The following FBXO21 variants were observed in gnomAD, a reference collection of about 807,000 sequenced individuals.
The protein encoded by FBXO21 is F-box only protein 21.
In FBXO21, 32 loss-of-function variants were observed where a neutral mutation model predicts 76.6. The ratio of observed to expected loss-of-function variants is 0.42; its 90% confidence interval spans 0.32 to 0.56. The LOEUF (loss-of-function observed/expected upper bound fraction) is 0.56, where lower values mean the gene tolerates loss of function less well. FBXO21 is among the 20% of genes least tolerant of loss of function. The pLI, the probability that FBXO21 is intolerant of heterozygous loss-of-function variation, is 0.16. For missense variants in FBXO21, 586 were observed against 797.3 expected (o/e 0.73, Z 3.19); for synonymous variants, 328 against 311.5 (o/e 1.05, Z -0.56).
intron 11 of FBXO21, among the ~76,000 whole-genome samples, chr12:117,148,907 T>C (rs956531889): frequency 4.6e-5 from 7 of 152,212 alleles, no homozygotes; most frequent in Admixed American, 3.9e-4. Context: ...CTGATCTCTC[T>C]ACTGTTGTCA....
Position 117,155,429 on chromosome 12 carries a change from A to C in FBXO21, c.1675+362T>G, listed in dbSNP as rs553362519. On this transcript the variant is annotated intron_variant, in intron 11 of 11. Transcript: ENST00000622495. ...CCACAGCCTTGGGAGGCCAGGGAGC[A>C]CTAGGGGGCCCCCAGGTGTTCATCC... 3.1e-3 allele frequency: 721 copies of C among 231,700 alleles called. 4 individuals are homozygous for C. Among genetic ancestry groups the C allele is most frequent in the African/African-American group, 0.015 (666 of 44,568 alleles). 14.4% of individuals were successfully genotyped at this position (231,700 alleles called of 1,614,324 possible).
intron 11 of FBXO21, among the ~76,000 whole-genome samples, chr12:117,153,255 A>C (rs1462350843): frequency 6.6e-6 from 1 of 152,088 alleles, no homozygotes; most frequent in African/African-American, 2.4e-5. Flanking sequence ...GTGGGTGTGT[A>C]GACAGATGTA....
intron 1 of FBXO21, 54 bp from the exon 2 acceptor site, chr12:117,189,416 C>T: frequency 6.2e-7 from 1 of 1,607,992 alleles, no homozygotes; most frequent in Admixed American, 1.7e-5. Context: ...GGCAGGCGGC[C>T]ACGAATCCAA....
intron 5 of FBXO21, 117 bp downstream of exon 5, chr12:117,174,534 A>C (rs1956154265): frequency 3.1e-6 from 4 of 1,298,456 alleles, no homozygotes; most frequent in Non-Finnish European, 4.3e-6. Context: ...ACACGTGGTC[A>C]CGTCATTTTA....
intron 11 of FBXO21, among the ~76,000 whole-genome samples, chr12:117,150,454 G>T (rs12322298): frequency 6.6e-6 from 1 of 152,046 alleles, no homozygotes; most frequent in African/African-American, 2.4e-5. Flanking sequence ...CAGTCCTCCT[G>T]TGAGCACACA....
intron 3 of FBXO21, among the ~76,000 whole-genome samples, chr12:117,186,006 GGGATTACAGGTGTGTACCACCACACCCA>G (rs577329286): frequency 5.6e-4 from 85 of 152,246 alleles, no homozygotes; most frequent in African/African-American, 2.0e-3. Context: ...CCGAGTAGCT[GGGATTACAGGTGTGTACCACCACACCCA>G]GCTAATTTTT....
intron 10 of FBXO21, 128 bp from the exon 11 acceptor site, chr12:117,156,076 C>G: frequency 1.3e-6 from 1 of 766,042 alleles, no homozygotes; most frequent in African/African-American, 1.7e-5. Flanking sequence ...TTTTTCAGGA[C>G]ACCCCTAACC....
chr12:117,178,320 T>C (rs1956194040), intron 3 of FBXO21, among the ~76,000 whole-genome samples: 3 of 152,012 alleles, frequency 2.0e-5, no homozygotes, highest in Admixed American at 6.6e-5. Flanking sequence ...TGTGCACACT[T>C]CCCAATTACT....
At position 117,146,132 on chromosome 12, in the gene FBXO21, C is replaced by T. The variant is rs757521947; in HGVS notation, c.1821G>A (p.Thr607=). 8 of 1,612,906 alleles carry T rather than the reference C, an allele frequency of 5.0e-6. No individual in the cohort carries two copies. The highest frequency in any genetic ancestry group is 2.2e-5 in the East Asian group (1 of 44,882). ...TCTTTGCACTGTAAATATTCTGCAC[C>T]GTTTCATAGACAAACTCCAGATCTT... The part of the protein sequence containing the change: ...YPEDLEFVYE[T]VQNIYSAKKE... Residue 607 remains threonine (T), a synonymous_variant, in exon 12 of 12, where the codon ACG becomes ACA. Coordinates refer to ENST00000622495, the MANE Select transcript of FBXO21 (RefSeq NM_015002.3).
rs142332543 is a variant in FBXO21, at chr12:117,176,922, T to C, written c.592+598A>G. 7.2e-5 allele frequency among the ~76,000 whole-genome samples: 11 copies of C among 152,248 alleles called. No individual in the cohort carries two copies. The East Asian group carries it at 1.9e-3, about 27-fold the overall frequency. ...CAGTCATATTTGTATTTCATAACCATAATTTATGGGAATGTTTGTGTAATA... is the reference window on the plus strand; with the variant it reads ...CAGTCATATTTGTATTTCATAACCACAATTTATGGGAATGTTTGTGTAATA... On this transcript the variant is annotated intron_variant, in intron 4 of 11. Transcript: ENST00000622495.
Position 117,188,997 on chromosome 12 carries a change from C to T in FBXO21, c.375+230G>A. 7 of 560,588 alleles carry T rather than the reference C, an allele frequency of 1.2e-5. No individual in the cohort carries two copies. The South Asian group carries it at 1.5e-4, about 12-fold the overall frequency. 34.7% of individuals were successfully genotyped at this position (560,588 alleles called of 1,614,324 possible). On this transcript the variant is annotated intron_variant, in intron 2 of 11. Coordinates refer to ENST00000622495, the MANE Select transcript of FBXO21 (RefSeq NM_015002.3). ...CGTGGGTCCCTCCCTGCTCCCTCCA[C>T]CCCCACTCTCTCTCTGGCTTTAGAA... is the stretch of plus-strand genomic sequence containing the variant.
At chr12:117,148,281 A>G (rs1357023185) in intron 11 of FBXO21, among the ~76,000 whole-genome samples, 1 of 152,246 alleles carries the variant, frequency 6.6e-6, no homozygotes, top group African/African-American at 2.4e-5. Context: ...CCGCTGAGGA[A>G]GTCACAGACA....
chr12:117,173,183 C>T (rs990533708), intron 6 of FBXO21, among the ~76,000 whole-genome samples: 2 of 152,200 alleles, frequency 1.3e-5, no homozygotes, highest in Non-Finnish European at 2.9e-5. Flanking sequence ...CAACCGCCAC[C>T]ATGCCTGGCT....
chr12:117,155,616 C>G (rs1016254088), intron 11 of FBXO21, 175 bp downstream of exon 11: 3 of 710,870 alleles, frequency 4.2e-6, no homozygotes, highest in Non-Finnish European at 4.7e-6. Flanking sequence ...AGGGCGGCAC[C>G]TGTGCAGACC....
chr12:117,186,353 TG>T, intron 3 of FBXO21, 123 bp downstream of exon 3: 1 of 710,282 alleles, frequency 1.4e-6, no homozygotes, highest in East Asian at 2.6e-5. Context: ...TTTTCAAAAC[TG>T]TAACTATGAC....
Position 117,177,617 on chromosome 12 carries a change from G to A in FBXO21, c.495C>T (p.Tyr165=), listed in dbSNP as rs149686869. ...EGRKALTWKY[Y]AKKILYYLRQ... ...GCAGGTAGTAAAGAATTTTTTTTGC[G>A]TAGTATTTCCAGGTCAAAGCTTTTC... The change falls in exon 4 of 12, where the codon TAC becomes TAT. Residue 165 remains tyrosine (Y), a synonymous_variant. Coordinates refer to ENST00000622495, the MANE Select transcript of FBXO21 (RefSeq NM_015002.3). 4.0e-5 allele frequency: 64 copies of A among 1,613,470 alleles called. No homozygotes were observed. The highest frequency in any genetic ancestry group is 1.2e-4 in the African/African-American group (9 of 75,006).
chr12:117,169,601 T>G (rs1469918526), intron 7 of FBXO21, among the ~76,000 whole-genome samples: 1 of 152,174 alleles, frequency 6.6e-6, no homozygotes, highest in Non-Finnish European at 1.5e-5. Context: ...TTAATAAAAC[T>G]TAGCAAAGTA....
Position 117,142,673 on chromosome 12 carries a change from C to CAAAAAAAAAAAAAAAAA in FBXO21, c.*3397_*3413dup, listed in dbSNP as rs761025781. 9.9e-6 allele frequency: 1 copy of CAAAAAAAAAAAAAAAAA among 100,694 alleles called. No individual in the cohort carries two copies. Among genetic ancestry groups the CAAAAAAAAAAAAAAAAA allele is most frequent in the Admixed American group, 1.0e-4 (1 of 9,692 alleles). 6.2% of individuals were successfully genotyped at this position (100,694 alleles called of 1,614,324 possible). ...TCCAGTTGATGTCTCTCCTTCCCTCCAAAAAAAAAAAAAAAAAAAAAAGAC... is the reference window on the plus strand; with the variant it reads ...TCCAGTTGATGTCTCTCCTTCCCTCCAAAAAAAAAAAAAAAAAAAAAAAAAAAAAAAAAAAAAAAGAC... On this transcript the variant is annotated 3_prime_UTR_variant, in exon 12 of 12. Transcript: ENST00000622495.
intron 6 of FBXO21, among the ~76,000 whole-genome samples, chr12:117,173,371 T>C (rs1029844661): frequency 6.6e-6 from 1 of 152,186 alleles, no homozygotes; most frequent in Non-Finnish European, 1.5e-5. Context: ...ACAGGAAAAG[T>C]TGGTCAAGCC....
Sources: gnomAD v4.1 joint callset for allele counts (sites outside exome capture counted in the v4.1 genomes callset) on GRCh38, gnomAD v4.1.1 for gene constraint, MANE v1.5 for transcripts, NCBI Gene and HGNC (gene_info 2026-07-23, HGNC 2026-07-21) for gene names.